The following DLGAP2 variants were observed in gnomAD, a reference collection of about 807,000 sequenced individuals.
The protein encoded by DLGAP2 is DLG associated protein 2.
In DLGAP2, 26 loss-of-function variants were observed where a neutral mutation model predicts 100.3. That is an observed-to-expected ratio of 0.26 (90% CI 0.19 to 0.36). DLGAP2 has a LOEUF of 0.36. DLGAP2 is among the 10% of genes least tolerant of loss of function. The pLI, the probability that DLGAP2 is intolerant of heterozygous loss-of-function variation, is 1.00. For missense variants in DLGAP2, 1,858 were observed against 1,453.2 expected (o/e 1.28, Z -4.53); for synonymous variants, 886 against 630.1 (o/e 1.41, Z -6.08).
chr8:1,307,757 T>A (rs371610639), intron 3 of DLGAP2, among the ~76,000 whole-genome samples: 1 of 152,066 alleles, frequency 6.6e-6, no homozygotes, highest in African/African-American at 2.4e-5. Context: ...AAAATGAAAT[T>A]CGCCCGTCAC....
At chr8:748,769 C>T (rs1455419165) in intron 1 of DLGAP2, among the ~76,000 whole-genome samples, 1 of 152,188 alleles carries the variant, frequency 6.6e-6, no homozygotes, top group Non-Finnish European at 1.5e-5. Flanking sequence ...GACTGGGATG[C>T]TCTCGGAAAG....
At chr8:951,584 T>C (rs192792777) in intron 2 of DLGAP2, among the ~76,000 whole-genome samples, 3 of 152,350 alleles carry the variant, frequency 2.0e-5, no homozygotes, top group East Asian at 1.9e-4. Context: ...AGCACACTTT[T>C]AGTACCCTTG....
At chr8:1,442,240 T>C (rs539902670) in intron 3 of DLGAP2, among the ~76,000 whole-genome samples, 1 of 102,542 alleles carries the variant, frequency 9.8e-6, no homozygotes, top group African/African-American at 3.0e-5. Flanking sequence ...GACCCAGGCA[T>C]AGACCCGCCA....
chr8:1,095,513 C>G (rs967068397), intron 2 of DLGAP2, among the ~76,000 whole-genome samples: 3 of 152,164 alleles, frequency 2.0e-5, no homozygotes, highest in South Asian at 2.1e-4. Context: ...TCCTGGTGAC[C>G]TTTCTGAGCC....
chr8:1,311,818 A>G (rs1800620996), intron 3 of DLGAP2, among the ~76,000 whole-genome samples: 1 of 152,208 alleles, frequency 6.6e-6, no homozygotes. Context: ...ACATTATGCA[A>G]TAATAGAGGG....
chr8:1,201,395 C>A (rs569365907), intron 2 of DLGAP2, among the ~76,000 whole-genome samples: 1 of 152,238 alleles, frequency 6.6e-6, no homozygotes, highest in Admixed American at 6.5e-5. Context: ...GAAGGGACGG[C>A]CTTCTGTTCC....
intron 3 of DLGAP2, among the ~76,000 whole-genome samples, chr8:1,275,835 T>C (rs1799674196): frequency 8.3e-6 from 1 of 120,268 alleles, no homozygotes; most frequent in South Asian, 2.3e-4. Flanking sequence ...AAAATAAATA[T>C]ATAATATATA....
chr8:1,247,360 A>C (rs1450680720), intron 2 of DLGAP2, among the ~76,000 whole-genome samples: 2 of 140,232 alleles, frequency 1.4e-5, no homozygotes, highest in African/African-American at 2.8e-5. Flanking sequence ...CTTTGACATC[A>C]GTGTGGGAGT....
intron 3 of DLGAP2, among the ~76,000 whole-genome samples, chr8:1,312,236 C>A (rs1227437047): frequency 6.6e-6 from 1 of 152,150 alleles, no homozygotes; most frequent in Non-Finnish European, 1.5e-5. Context: ...AACACAGGGT[C>A]TAGAATTTAA....
In DLGAP2 at chr8:1,135,516, T is replaced by TG. The variant is rs1165026583; in HGVS notation, c.74-123335_74-123334insG. Among the ~76,000 whole-genome samples the TG allele has an allele frequency of 6.1e-4, 85 of 139,610 alleles. 2 individuals are homozygous for TG. The highest frequency in any genetic ancestry group is 2.3e-3 in the African/African-American group (83 of 35,828). 91.6% of individuals were successfully genotyped at this position (139,610 alleles called of 152,430 possible). Reference sequence around the variant, plus strand: ...GTTTTTTTGTGGGTTTTTTTTTTTTTTTTTTTTTTTTGTCCATATCTTAAG... The same window carrying TG: ...GTTTTTTTGTGGGTTTTTTTTTTTTTGTTTTTTTTTTTGTCCATATCTTAAG... On this transcript the variant is annotated intron_variant, in intron 2 of 14. Coordinates refer to ENST00000637795, the MANE Select transcript of DLGAP2 (RefSeq NM_001346810.2).
At chr8:1,534,147 G>C (rs1801076848) in intron 4 of DLGAP2, among the ~76,000 whole-genome samples, 2 of 152,168 alleles carry the variant, frequency 1.3e-5, no homozygotes, top group South Asian at 2.1e-4. Flanking sequence ...AAAGGTAAAA[G>C]AGAAAGATTG....
chr8:1,598,816 C>T (rs746274353), intron 6 of DLGAP2, among the ~76,000 whole-genome samples: 19 of 152,056 alleles, frequency 1.2e-4, no homozygotes, highest in Non-Finnish European at 5.9e-5. Flanking sequence ...AAAAAACCAG[C>T]TTCTAGATTC....
At chr8:899,172 C>T (rs140309939) in intron 1 of DLGAP2, among the ~76,000 whole-genome samples, 1 of 152,236 alleles carries the variant, frequency 6.6e-6, no homozygotes, top group Non-Finnish European at 1.5e-5. Context: ...TGGATGGTTC[C>T]TCTCTCCAAC....
intron 11 of DLGAP2, among the ~76,000 whole-genome samples, chr8:1,677,056 T>C (rs1028990319): frequency 6.6e-6 from 1 of 152,196 alleles, no homozygotes. Context: ...AAATACAAAG[T>C]GATATCCATT....
intron 3 of DLGAP2, among the ~76,000 whole-genome samples, chr8:1,348,717 G>A (rs765028074): frequency 5.9e-5 from 9 of 152,220 alleles, no homozygotes; most frequent in East Asian, 3.8e-4. Context: ...GCCGCTGTGC[G>A]GAGGTTGAGT....
intron 3 of DLGAP2, among the ~76,000 whole-genome samples, chr8:1,373,458 C>T (rs1432391446): frequency 1.3e-5 from 2 of 152,186 alleles, no homozygotes; most frequent in African/African-American, 2.4e-5. Context: ...CCGTGTCGGC[C>T]GAGACCCGAA....
chr8:1,113,887 T>C (rs1161058717), intron 2 of DLGAP2, among the ~76,000 whole-genome samples: 1 of 152,174 alleles, frequency 6.6e-6, no homozygotes. Context: ...ACCTAGTATA[T>C]TGAGAATTTT....
chr8:1,315,300 C>G (rs984517261), intron 3 of DLGAP2, among the ~76,000 whole-genome samples: 21 of 149,596 alleles, frequency 1.4e-4, no homozygotes, highest in Non-Finnish European at 2.8e-4. Flanking sequence ...TGTGCGAGTG[C>G]AGCGTCTCTC....
chr8:1,471,392 G>C (rs1247120455), intron 3 of DLGAP2, among the ~76,000 whole-genome samples: 3 of 149,172 alleles, frequency 2.0e-5, no homozygotes, highest in Admixed American at 6.8e-5. Flanking sequence ...GCCAGCTGCT[G>C]ACCTCCACAC....
Sources: allele counts gnomAD v4.1 joint callset (sites outside exome capture counted in the v4.1 genomes callset), GRCh38; gene constraint gnomAD v4.1.1; transcripts MANE v1.5; gene names NCBI Gene and HGNC (gene_info 2026-07-23, HGNC 2026-07-21).